The following PCDHGA12 variants were observed in gnomAD, a reference collection of about 807,000 sequenced individuals.
PCDHGA12 encodes the protein protocadherin gamma-A12.
Under a neutral mutation model 61.1 loss-of-function variants are expected in PCDHGA12, and 43 were observed. That is an observed-to-expected ratio of 0.70 (90% confidence interval 0.55 to 0.91). The LOEUF is 0.91. PCDHGA12 is among the 40% of genes least tolerant of loss of function. The pLI is 0.00. For missense variants in PCDHGA12, 1,236 were observed against 1,227.7 expected, an observed-to-expected ratio of 1.01 and a Z score of -0.10; for synonymous variants, 520 against 542.9, an observed-to-expected ratio of 0.96 and a Z score of 0.59.
In PCDHGA12 at chr5:141,506,418, G is replaced by A. The variant is rs2099853241; in HGVS notation, c.2572+937G>A. Among the ~76,000 whole-genome samples, 3 of 141,160 alleles carry A rather than the reference G, an allele frequency of 2.1e-5. No homozygotes were observed. The South Asian group carries it at 6.6e-4, about 31-fold the overall frequency. 92.6% of individuals were successfully genotyped at this position (141,160 alleles called of 152,430 possible). The stretch of plus-strand genomic sequence containing the variant: ...CAGAAAATCGCACCACTGCACTCCA[G>A]CCTGGGCAACAGTCTCGCTCTGTCT... On this transcript the variant is annotated intron_variant, in intron 3 of 3. Coordinates refer to ENST00000252085, the MANE Select transcript of PCDHGA12 (RefSeq NM_003735.3).
chr5:141,452,951 G>T (rs1397204185), intron 1 of PCDHGA12, among the ~76,000 whole-genome samples: 13 of 152,154 alleles, frequency 8.5e-5, no homozygotes, highest in Admixed American at 8.5e-4. Context: ...GCAATTGGTT[G>T]TCTTTAAACT....
chr5:141,441,768 T>C, intron 1 of PCDHGA12: 1 of 387,074 alleles, frequency 2.6e-6, no homozygotes. Context: ...CCTGCGCGTG[T>C]TGGTGGACGA....
At position 141,511,313 on chromosome 5, in the gene PCDHGA12, CAGAA is replaced by C; in HGVS notation, c.*142_*145del. The C allele has an allele frequency of 2.0e-6, 3 of 1,482,944 alleles. No homozygotes were observed. In the South Asian group the frequency reaches 4.1e-5, roughly 20 times the overall value. 91.9% of individuals were successfully genotyped at this position (1,482,944 alleles called of 1,614,324 possible). ...CCAAGGCCATGCTCCCCTTGGGAAA[CAGAA>C]ACAAGTGCCCAGTCAGCACCTACCC... On this transcript the variant is annotated 3_prime_UTR_variant, in exon 4 of 4. Transcript: ENST00000252085.
In PCDHGA12 at chr5:141,476,254, T is replaced by C; in HGVS notation, c.2425-18553T>C. 1.2e-6 allele frequency: 2 copies of C among 1,613,820 alleles called. No individual in the cohort carries two copies. Among genetic ancestry groups the C allele is most frequent in the Non-Finnish European group, 8.5e-7 (1 of 1,179,976 alleles). On this transcript the variant is annotated intron_variant, in intron 1 of 3. Transcript: ENST00000252085. The surrounding 1 kb of genome is among the most constrained non-coding windows in gnomAD (Gnocchi z 7.6). ...CGGAGGAAAGAGAGAAGGGTTTCGCTGTGGGCAACGTGGTCGCGAACCTTG... is the reference window on the plus strand; with the variant it reads ...CGGAGGAAAGAGAGAAGGGTTTCGCCGTGGGCAACGTGGTCGCGAACCTTG...
intron 1 of PCDHGA12, chr5:141,442,360 G>A (rs890049391): frequency 6.6e-6 from 1 of 152,272 alleles, no homozygotes; most frequent in African/African-American, 2.4e-5. Flanking sequence ...GTAGCTCTAT[G>A]ATGCCATATT....
chr5:141,438,627 T>TATAC (rs2098031123), intron 1 of PCDHGA12, among the ~76,000 whole-genome samples: 4 of 48,012 alleles, frequency 8.3e-5, no homozygotes, highest in Admixed American at 6.2e-4. Flanking sequence ...TATATATATA[T>TATAC]ATATATATAC....
intron 3 of PCDHGA12, among the ~76,000 whole-genome samples, chr5:141,508,646 G>A (rs1434098773): frequency 2.6e-5 from 4 of 152,014 alleles, no homozygotes; most frequent in African/African-American, 9.7e-5. Flanking sequence ...ACTCCGTCAG[G>A]CCCTTCCTGT....
At chr5:141,510,863 A>G in intron 3 of PCDHGA12, 84 bp from the exon 4 acceptor site, 1 of 1,607,492 alleles carries the variant, frequency 6.2e-7, no homozygotes, top group African/African-American at 1.3e-5. Flanking sequence ...CTGTATAGGC[A>G]TTCATTAACT....
Position 141,486,912 on chromosome 5 carries a change from T to C in PCDHGA12, c.2425-7895T>C. The stretch of plus-strand genomic sequence containing the variant: ...CCTGGTTCCTTATGTCCCCAAGCAC[T>C]GCCTCCATCAGTTGGTGCTGGCCAC... On this transcript the variant is annotated intron_variant, in intron 1 of 3. Coordinates refer to ENST00000252085, the MANE Select transcript of PCDHGA12 (RefSeq NM_003735.3). This position sits in a 1 kb window ranked among gnomAD's most constrained non-coding sequence, Gnocchi z 5.0. The C allele has an allele frequency of 1.2e-6, 2 of 1,614,246 alleles. No homozygotes were observed. Among genetic ancestry groups the C allele is most frequent in the Non-Finnish European group, 1.7e-6 (2 of 1,180,040 alleles).
chr5:141,500,184 T>TTTTA (rs58019021), intron 2 of PCDHGA12, among the ~76,000 whole-genome samples: 28,743 of 135,782 alleles, frequency 0.21, 3,285 homozygotes, highest in African/African-American at 0.3. Context: ...TCATTTTTAT[T>TTTTA]TTTATTTATT....
intron 1 of PCDHGA12, among the ~76,000 whole-genome samples, chr5:141,438,614 A>G (rs1208036297): frequency 5.8e-5 from 2 of 34,396 alleles, no homozygotes. Context: ...ATATATATAT[A>G]TATATATATA....
rs767400679 is a variant in PCDHGA12, at chr5:141,476,863, C to T, written c.2425-17944C>T. 2.2e-5 allele frequency: 35 copies of T among 1,613,740 alleles called. No individual in the cohort carries two copies. Among genetic ancestry groups the T allele is most frequent in the Non-Finnish European group, 2.8e-5 (33 of 1,180,062 alleles). On this transcript the variant is annotated intron_variant, in intron 1 of 3. Coordinates refer to ENST00000252085, the MANE Select transcript of PCDHGA12 (RefSeq NM_003735.3). The surrounding 1 kb of genome is among the most constrained non-coding windows in gnomAD (Gnocchi z 7.6). ...CGCCTGTCTTCAACCAGTCCTTGTA[C>T]CGGGCGCGCGTCCTGGAGGATGCAC...
intron 3 of PCDHGA12, among the ~76,000 whole-genome samples, chr5:141,508,984 C>G (rs1039260828): frequency 4.7e-4 from 72 of 152,154 alleles, no homozygotes; most frequent in African/African-American, 1.7e-3. Context: ...GGGTGGGGGC[C>G]AGCTGGGGTA....
chr5:141,510,984 C>G lies in PCDHGA12; in HGVS notation c.2610C>G (p.Ala870=). ...ADGSSTLGGG[A]GTMGLSARYG... ...GGAGCTCCACCCTGGGAGGGGGTGC[C>G]GGCACCATGGGATTGAGCGCCCGCT... The change falls in exon 4 of 4, where the codon GCC becomes GCG. Residue 870 remains alanine (A), a synonymous_variant. Transcript: ENST00000252085. The G allele has an allele frequency of 1.2e-6, 2 of 1,614,162 alleles. No homozygotes were observed. The highest frequency in any genetic ancestry group is 1.7e-6 in the Non-Finnish European group (2 of 1,180,012).
chr5:141,456,715 A>G (rs2098881350), intron 1 of PCDHGA12, among the ~76,000 whole-genome samples: 1 of 152,204 alleles, frequency 6.6e-6, no homozygotes, highest in South Asian at 2.1e-4. Flanking sequence ...CTGTAATCCC[A>G]GCACTTTGGG....
chr5:141,485,380 G>A lies in PCDHGA12; in HGVS notation c.2425-9427G>A. The A allele has an allele frequency of 1.9e-6, 3 of 1,614,146 alleles. No individual in the cohort carries two copies. The highest frequency in any genetic ancestry group is 2.5e-6 in the Non-Finnish European group (3 of 1,180,032). On this transcript the variant is annotated intron_variant, in intron 1 of 3. Coordinates refer to ENST00000252085, the MANE Select transcript of PCDHGA12 (RefSeq NM_003735.3). This position sits in a 1 kb window ranked among gnomAD's most constrained non-coding sequence, Gnocchi z 5.7. ...CTCGCAGGCTGCAGGTCGCTGGAGA[G>A]GTGAACCAAAGACACTTCCGTGTGG... is the stretch of plus-strand genomic sequence containing the variant.
rs746968245 is a variant in PCDHGA12, at chr5:141,489,575, A to AC, written c.2425-5227dup. 2 of 1,613,788 alleles carry AC rather than the reference A, an allele frequency of 1.2e-6. No homozygotes were observed. Among genetic ancestry groups the AC allele is most frequent in the Non-Finnish European group, 1.7e-6 (2 of 1,179,960 alleles). On this transcript the variant is annotated intron_variant, in intron 1 of 3. Coordinates refer to ENST00000252085, the MANE Select transcript of PCDHGA12 (RefSeq NM_003735.3). The surrounding 1 kb of genome is among the most constrained non-coding windows in gnomAD (Gnocchi z 4.5). ...CTGCCAGTGCAGGTGGTGACTGAACACCCCCTGGAGCTAATCCGTGTAGAG... is the reference window on the plus strand; with the variant it reads ...CTGCCAGTGCAGGTGGTGACTGAACACCCCCCTGGAGCTAATCCGTGTAGAG...
At chr5:141,501,881 C>T (rs1396427606) in intron 2 of PCDHGA12, among the ~76,000 whole-genome samples, 1 of 152,124 alleles carries the variant, frequency 6.6e-6, no homozygotes, top group East Asian at 1.9e-4. Context: ...CCTTACACTC[C>T]TGATCATCAT....
At position 141,454,796 on chromosome 5, in the gene PCDHGA12, ATTT is replaced by A. The variant is rs61612330; in HGVS notation, c.2424+21640_2424+21642del. On this transcript the variant is annotated intron_variant, in intron 1 of 3. Coordinates refer to ENST00000252085, the MANE Select transcript of PCDHGA12 (RefSeq NM_003735.3). ...AAGGAAATAATCCTCCATGGTTCTA[ATTT>A]TTTTTTTTTTTTTTTTTTTTTTTTT... is the stretch of plus-strand genomic sequence containing the variant. 8.4e-3 allele frequency among the ~76,000 whole-genome samples: 651 copies of A among 77,268 alleles called. 2 individuals are homozygous for A. Among genetic ancestry groups the A allele is most frequent in the African/African-American group, 0.012 (206 of 16,834 alleles). The allele number at this position is 77,268 out of a possible 152,430, so 50.7% of individuals were successfully genotyped here. A position where few individuals can be genotyped will look rare whatever the true frequency, so the allele number is the denominator to read the frequency against.
Sources: allele counts gnomAD v4.1 joint callset (sites outside exome capture counted in the v4.1 genomes callset), GRCh38; gene constraint gnomAD v4.1.1; non-coding constraint Gnocchi (gnomAD v3.1); transcripts MANE v1.5; gene names NCBI Gene and HGNC (gene_info 2026-07-23, HGNC 2026-07-21).